FBXL13: variants seen among roughly 807,000 people sequenced by gnomAD.
The protein encoded by FBXL13 is F-box and leucine-rich repeat protein 13.
FBXL13 carries 67 observed loss-of-function variants against 83.6 expected under a neutral mutation model. The observed-to-expected ratio is 0.80, with a 90% CI of 0.66 to 0.98. The LOEUF is 0.98. FBXL13 is among the 50% of genes least tolerant of loss of function. FBXL13 has a pLI of 0.00. For missense variants in FBXL13, 822 were observed against 866.5 expected, an observed-to-expected ratio of 0.95 and a Z score of 0.64; for synonymous variants, 272 against 299.5, an observed-to-expected ratio of 0.91 and a Z score of 0.95.
intron 6 of FBXL13, among the ~76,000 whole-genome samples, chr7:103,008,896 C>T (rs936784353): frequency 3.9e-5 from 6 of 151,984 alleles, no homozygotes; most frequent in African/African-American, 1.5e-4. Flanking sequence ...ATTATATTGT[C>T]GTTTATAAAT....
chr7:102,982,926 G>C (rs79658717), intron 6 of FBXL13, among the ~76,000 whole-genome samples: 1,701 of 152,276 alleles, frequency 0.011, 42 homozygotes, highest in African/African-American at 0.039. Context: ...TAAACTCAGC[G>C]TCTTCCAACT....
At chr7:102,990,683 G>A (rs1426108948) in intron 6 of FBXL13, among the ~76,000 whole-genome samples, 4 of 152,198 alleles carry the variant, frequency 2.6e-5, no homozygotes, top group Non-Finnish European at 5.9e-5. Flanking sequence ...GAGGATCAAA[G>A]GTAGCCTTTC....
intron 9 of FBXL13, among the ~76,000 whole-genome samples, chr7:102,926,801 A>T (rs968167729): frequency 6.6e-6 from 1 of 152,266 alleles, no homozygotes; most frequent in African/African-American, 2.4e-5. Flanking sequence ...ATGGAACTTT[A>T]GTAACAGTCC....
At chr7:102,847,535 TC>T (rs1465941582) in intron 17 of FBXL13, among the ~76,000 whole-genome samples, 1 of 152,172 alleles carries the variant, frequency 6.6e-6, no homozygotes, top group African/African-American at 2.4e-5. Flanking sequence ...TTCTTTCTTT[TC>T]TTTTTTTTGA....
chr7:102,816,836 C>T (rs1798076292), intron 19 of FBXL13, among the ~76,000 whole-genome samples: 1 of 152,202 alleles, frequency 6.6e-6, no homozygotes. Context: ...TTAGCTCCTA[C>T]TTTTAAGTGA....
chr7:102,817,029 C>G (rs1798111522), intron 19 of FBXL13, among the ~76,000 whole-genome samples: 1 of 152,162 alleles, frequency 6.6e-6, no homozygotes, highest in East Asian at 1.9e-4. Flanking sequence ...TTAGGTTGAT[C>G]CCATGACTTT....
chr7:102,957,083 C>A (rs1242017029), intron 8 of FBXL13, among the ~76,000 whole-genome samples: 1 of 152,110 alleles, frequency 6.6e-6, no homozygotes, highest in African/African-American at 2.4e-5. Context: ...CCAAGACAAT[C>A]CTAAGCAAAA....
At chr7:102,913,350 T>A in intron 10 of FBXL13, 135 bp from the exon 12 acceptor site, 1 of 1,035,020 alleles carries the variant, frequency 9.7e-7, no homozygotes, top group Non-Finnish European at 1.4e-6. Flanking sequence ...ACTTTACTGT[T>A]AACTCTCTAC....
At chr7:102,934,404 C>G in intron 8 of FBXL13, 1 of 1,614,132 alleles carries the variant, frequency 6.2e-7, no homozygotes, top group Non-Finnish European at 8.5e-7. Flanking sequence ...TATGACAACC[C>G]CTGGCACTGT....
At chr7:102,865,979 T>G (rs1437547616) in intron 16 of FBXL13, among the ~76,000 whole-genome samples, 1 of 152,244 alleles carries the variant, frequency 6.6e-6, no homozygotes, top group Non-Finnish European at 1.5e-5. Flanking sequence ...TATTTTTGTT[T>G]ATTTCTACTT....
chr7:102,884,091 T>G, intron 12 of FBXL13, 123 bp downstream of exon 13: 1 of 716,360 alleles, frequency 1.4e-6, no homozygotes, highest in Non-Finnish European at 2.4e-6. Flanking sequence ...TTTTCAATGA[T>G]TTTATTACTA....
chr7:102,987,091 G>A (rs1161037589), intron 6 of FBXL13, among the ~76,000 whole-genome samples: 1 of 152,150 alleles, frequency 6.6e-6, no homozygotes, highest in African/African-American at 2.4e-5. Flanking sequence ...TTGTAAGTGG[G>A]AGCTAAGCTA....
At chr7:103,069,140 C>T (rs1439646609) in intron 1 of FBXL13, among the ~76,000 whole-genome samples, 1 of 148,348 alleles carries the variant, frequency 6.7e-6, no homozygotes, top group African/African-American at 2.5e-5. Flanking sequence ...AGTGAGGAGG[C>T]CCTCTGCCCT....
chr7:102,937,687 AG>A (rs1357652532), intron 8 of FBXL13, among the ~76,000 whole-genome samples: 1 of 152,170 alleles, frequency 6.6e-6, no homozygotes, highest in Non-Finnish European at 1.5e-5. Flanking sequence ...TCCCTTTGGT[AG>A]TGCCTGCCAC....
At chr7:102,891,143 A>G (rs1563051619) in intron 11 of FBXL13, among the ~76,000 whole-genome samples, 1 of 152,182 alleles carries the variant, frequency 6.6e-6, no homozygotes, top group Non-Finnish European at 1.5e-5. Flanking sequence ...AGACTCTCAA[A>G]TACCATGTCC....
intron 2 of FBXL13, among the ~76,000 whole-genome samples, chr7:103,039,410 T>G (rs1341522593): frequency 6.6e-6 from 1 of 152,148 alleles, no homozygotes; most frequent in East Asian, 1.9e-4. Flanking sequence ...CTTCAGGATA[T>G]TATCCAGGAA....
At chr7:103,048,904 T>G (rs1464036125) in intron 2 of FBXL13, among the ~76,000 whole-genome samples, 2 of 152,228 alleles carry the variant, frequency 1.3e-5, no homozygotes, top group East Asian at 3.8e-4. Flanking sequence ...AAAACATGTT[T>G]CATTCTCCTC....
chr7:102,836,795 G>A (rs1802071212), intron 17 of FBXL13, among the ~76,000 whole-genome samples: 1 of 148,096 alleles, frequency 6.8e-6, no homozygotes, highest in African/African-American at 2.4e-5. Context: ...TTTATTGACT[G>A]TCACAATAAT....
At chr7:103,073,460 G>A (rs1461073133) in intron 1 of FBXL13, among the ~76,000 whole-genome samples, 1 of 151,132 alleles carries the variant, frequency 6.6e-6, no homozygotes, top group Non-Finnish European at 1.5e-5. Flanking sequence ...CCTAGCCTGG[G>A]TGGCAGACCA....
Sources: gnomAD v4.1 joint callset for allele counts (sites outside exome capture counted in the v4.1 genomes callset) on GRCh38, gnomAD v4.1.1 for gene constraint, MANE v1.5 for transcripts, NCBI Gene and HGNC (gene_info 2026-07-23, HGNC 2026-07-21) for gene names.